The following EPN2 variants were observed in gnomAD, a reference collection of about 807,000 sequenced individuals.
EPN2 encodes the protein epsin-2.
A neutral mutation model predicts 61.7 loss-of-function variants in EPN2; 34 were observed. The observed-to-expected ratio is 0.55, with a 90% CI of 0.42 to 0.73. The LOEUF (loss-of-function observed/expected upper bound fraction) is 0.73. EPN2 is among the 30% of genes least tolerant of loss of function. The pLI, the probability that EPN2 is intolerant of heterozygous loss-of-function variation, is 0.00. For synonymous variants in EPN2, 349 were observed against 353.6 expected, an observed-to-expected ratio of 0.99 and a Z score of 0.15; for missense variants, 714 against 839.2, an observed-to-expected ratio of 0.85 and a Z score of 1.84.
At chr17:19,300,713 C>T (rs1905448406) in intron 4 of EPN2, among the ~76,000 whole-genome samples, 1 of 152,178 alleles carries the variant, frequency 6.6e-6, no homozygotes, top group South Asian at 2.1e-4. Flanking sequence ...CAGGCATGAG[C>T]CACCGGCACC....
At chr17:19,310,553 C>T in intron 5 of EPN2, among the ~76,000 whole-genome samples, 1 of 139,440 alleles carries the variant, frequency 7.2e-6, no homozygotes. Flanking sequence ...TCTTTTCTTT[C>T]TCTCTTTCTC....
chr17:19,290,722 A>AAAGAG (rs1183385399), intron 4 of EPN2, among the ~76,000 whole-genome samples: 1 of 148,534 alleles, frequency 6.7e-6, no homozygotes, highest in Non-Finnish European at 1.5e-5. Flanking sequence ...AAAAGAAAAA[A>AAAGAG]AAAGAAAAAG....
At chr17:19,265,906 C>T (rs1024833977) in intron 1 of EPN2, among the ~76,000 whole-genome samples, 1 of 152,208 alleles carries the variant, frequency 6.6e-6, no homozygotes, top group African/African-American at 2.4e-5. Flanking sequence ...ACCCCTTCTA[C>T]CCCACCCACA....
Position 19,301,953 on chromosome 17 carries a change from G to C in EPN2, c.767-7932G>C, listed in dbSNP as rs142103188. On this transcript the variant is annotated intron_variant, in intron 4 of 10. Transcript: ENST00000314728. Reference sequence around the variant, plus strand: ...GCAAAGCCCCTTTAGGGTGCTAGGAGCAAGCGTGGGGCATAGGTCCTGAGT... The same window carrying C: ...GCAAAGCCCCTTTAGGGTGCTAGGACCAAGCGTGGGGCATAGGTCCTGAGT... 8.1e-3 allele frequency among the ~76,000 whole-genome samples: 1,237 copies of C among 152,362 alleles called. 5 individuals carry two copies. The highest frequency in any genetic ancestry group is 0.039 in the South Asian group (188 of 4,826).
chr17:19,303,406 G>A (rs1419946885), intron 4 of EPN2, among the ~76,000 whole-genome samples: 1 of 152,200 alleles, frequency 6.6e-6, no homozygotes, highest in Non-Finnish European at 1.5e-5. Flanking sequence ...CCTGCAGTCT[G>A]TGTCATGGCA....
chr17:19,284,370 A>C (rs912915217), intron 3 of EPN2, among the ~76,000 whole-genome samples: 1 of 152,088 alleles, frequency 6.6e-6, no homozygotes, highest in Non-Finnish European at 1.5e-5. Context: ...AACAGAGTGG[A>C]GTTCAGGGCC....
chr17:19,249,082 C>T (rs903155192), intron 1 of EPN2, among the ~76,000 whole-genome samples: 2 of 152,152 alleles, frequency 1.3e-5, no homozygotes, highest in East Asian at 1.9e-4. Flanking sequence ...GCAGGACAGG[C>T]GAGCTTGGTG....
At chr17:19,311,726 A>G (rs1042953831) in intron 5 of EPN2, among the ~76,000 whole-genome samples, 2 of 152,210 alleles carry the variant, frequency 1.3e-5, no homozygotes, top group African/African-American at 2.4e-5. Flanking sequence ...CATTGCTTCT[A>G]TAAGTAGAAT....
intron 9 of EPN2, among the ~76,000 whole-genome samples, chr17:19,331,284 T>G (rs1162731633): frequency 6.6e-6 from 1 of 152,178 alleles, no homozygotes; most frequent in East Asian, 1.9e-4. Context: ...ACATTTTACA[T>G]TATTTGCTTA....
At chr17:19,314,336 T>G (rs538820704) in intron 7 of EPN2, among the ~76,000 whole-genome samples, 1 of 150,076 alleles carries the variant, frequency 6.7e-6, no homozygotes, top group Non-Finnish European at 1.5e-5. Flanking sequence ...AGGTAAGCAT[T>G]TTGGAGGAAG....
intron 4 of EPN2, among the ~76,000 whole-genome samples, chr17:19,298,022 C>A (rs1271250835): frequency 6.6e-6 from 1 of 152,014 alleles, no homozygotes; most frequent in Non-Finnish European, 1.5e-5. Flanking sequence ...AGTACAGGTG[C>A]ACGCCACCAT....
At chr17:19,293,519 T>A (rs1034687184) in intron 4 of EPN2, among the ~76,000 whole-genome samples, 1 of 146,438 alleles carries the variant, frequency 6.8e-6, no homozygotes, top group African/African-American at 2.5e-5. Flanking sequence ...TACAGGTGCA[T>A]GCCACCATAC....
intron 1 of EPN2, chr17:19,248,498 T>C (rs1018554296): frequency 6.6e-6 from 1 of 152,234 alleles, no homozygotes; most frequent in Non-Finnish European, 1.5e-5. Flanking sequence ...TCTTTAATTT[T>C]ATTAAAGATA....
At chr17:19,277,400 CAAAAAAA>C (rs58679739) in intron 1 of EPN2, among the ~76,000 whole-genome samples, 17 of 75,458 alleles carry the variant, frequency 2.3e-4, no homozygotes, top group Middle Eastern at 6.8e-3. Context: ...GACTCTGTCT[CAAAAAAA>C]AAAAAAAAAA....
chr17:19,259,354 C>T (rs1372318723), intron 1 of EPN2, among the ~76,000 whole-genome samples: 1 of 144,788 alleles, frequency 6.9e-6, no homozygotes, highest in Non-Finnish European at 1.5e-5. Flanking sequence ...ATTCTGTCAC[C>T]CAGGCTGGAG....
chr17:19,318,872 A>G (rs1401060756), intron 7 of EPN2, among the ~76,000 whole-genome samples: 1 of 152,036 alleles, frequency 6.6e-6, no homozygotes, highest in Non-Finnish European at 1.5e-5. Flanking sequence ...GATACTGCAC[A>G]TATTGCAGAG....
chr17:19,288,305 A>G (rs191238939), intron 4 of EPN2, among the ~76,000 whole-genome samples: 1 of 152,358 alleles, frequency 6.6e-6, no homozygotes, highest in African/African-American at 2.4e-5. Flanking sequence ...GGCACCAGGC[A>G]CTGAGCACAG....
At chr17:19,267,170 A>G (rs1398113153) in intron 1 of EPN2, among the ~76,000 whole-genome samples, 1 of 151,820 alleles carries the variant, frequency 6.6e-6, no homozygotes, top group Non-Finnish European at 1.5e-5. Flanking sequence ...ATTTGTGTGA[A>G]ATGTCCAGAA....
chr17:19,276,356 T>A (rs2045304673), intron 1 of EPN2: 1 of 142,210 alleles, frequency 7.0e-6, no homozygotes, highest in African/African-American at 2.7e-5. Context: ...CCCAGCTAAT[T>A]AAAATTTTTT....
Sources: allele counts gnomAD v4.1 joint callset (sites outside exome capture counted in the v4.1 genomes callset), GRCh38; gene constraint gnomAD v4.1.1; transcripts MANE v1.5; gene names NCBI Gene and HGNC (gene_info 2026-07-23, HGNC 2026-07-21).